The following ULK2 variants were observed in gnomAD, a reference collection of about 807,000 sequenced individuals.
The protein encoded by ULK2 is unc-51 like autophagy activating kinase 2, also known as serine/threonine-protein kinase ULK2.
Under a neutral mutation model 127.5 loss-of-function variants are expected in ULK2, and 76 were observed. The ratio of observed to expected loss-of-function variants is 0.60; its 90% CI spans 0.50 to 0.72. The LOEUF is 0.72. Among genes scored for constraint, ULK2 ranks in the 30% least tolerant of loss-of-function variants. ULK2 has a pLI of 0.00. For missense variants in ULK2, 1,144 were observed against 1,295.9 expected, an observed-to-expected ratio of 0.88 and a Z score of 1.80; for synonymous variants, 452 against 461.9, an observed-to-expected ratio of 0.98 and a Z score of 0.28.
chr17:19,813,792 A>G (rs565398241), intron 13 of ULK2, among the ~76,000 whole-genome samples: 9 of 152,230 alleles, frequency 5.9e-5, no homozygotes, highest in Non-Finnish European at 1.3e-4. Context: ...ATCAAAACAC[A>G]TTAAAGAAAC....
chr17:19,811,220 A>T (rs2087632725), intron 13 of ULK2: 1 of 152,208 alleles, frequency 6.6e-6, no homozygotes, highest in African/African-American at 2.4e-5. Context: ...ATTTGTCTAT[A>T]GGAGAATTGA....
chr17:19,856,991 A>AG (rs2042146087), intron 3 of ULK2, among the ~76,000 whole-genome samples: 1 of 149,480 alleles, frequency 6.7e-6, no homozygotes, highest in African/African-American at 2.5e-5. Flanking sequence ...AAAAAAAAAA[A>AG]AAAAAAAAAA....
intron 25 of ULK2, among the ~76,000 whole-genome samples, chr17:19,779,431 C>T (rs1234587524): frequency 6.8e-6 from 1 of 147,660 alleles, no homozygotes; most frequent in East Asian, 2.0e-4. Flanking sequence ...ACATGGGAGG[C>T]TAACGCAGCA....
intron 3 of ULK2, among the ~76,000 whole-genome samples, chr17:19,857,942 T>C (rs2042166832): frequency 6.6e-6 from 1 of 152,040 alleles, no homozygotes; most frequent in Admixed American, 6.6e-5. Context: ...GGAAACTTAC[T>C]TTATTTTCTC....
intron 25 of ULK2, among the ~76,000 whole-genome samples, chr17:19,778,731 A>G (rs942584715): frequency 1.3e-5 from 2 of 152,218 alleles, no homozygotes; most frequent in Admixed American, 1.3e-4. Context: ...CTGGGACTAC[A>G]GGTGCATGCC....
chr17:19,810,245 AAAAAAAAAAAAAC>A lies in ULK2; in HGVS notation c.1157+120_1157+132del, dbSNP rs1264670551. ...ACTCCATCTCAAAAAAAAAAAAAAAAAAAAAAAAAAAACCAGAAATAATGGACTGTAAAACAAA... is the reference window on the plus strand; with the variant it reads ...ACTCCATCTCAAAAAAAAAAAAAAAACAGAAATAATGGACTGTAAAACAAA... On this transcript the variant is annotated intron_variant, in intron 14 of 26. Transcript: ENST00000395544. 170 of 239,624 alleles carry A rather than the reference AAAAAAAAAAAAAC, an allele frequency of 7.1e-4. 1 individual carries two copies. The highest frequency in any genetic ancestry group is 3.1e-3 in the East Asian group (49 of 16,006). The allele number at this position is 239,624 out of a possible 1,614,324, so 14.8% of individuals were successfully genotyped here. A position where few individuals can be genotyped will look rare whatever the true frequency, so the allele number is the denominator to read the frequency against.
intron 10 of ULK2, among the ~76,000 whole-genome samples, chr17:19,837,934 A>G (rs1413016787): frequency 1.3e-5 from 2 of 152,158 alleles, no homozygotes; most frequent in Non-Finnish European, 1.5e-5. Flanking sequence ...TCTTCCACTC[A>G]AAACCCTCTA....
At position 19,867,931 on chromosome 17, in the gene ULK2, G is replaced by A. The variant is rs925442516; in HGVS notation, c.-514C>T. ...CCTCGCGCGCGCTACCCGCTCCCGC[G>A]CGACTGGCTGCCCTCCGCGACGTCC... is the stretch of plus-strand genomic sequence containing the variant. On this transcript the variant is annotated 5_prime_UTR_variant, in exon 1 of 27. Transcript: ENST00000395544. 4 of 151,598 alleles carry A rather than the reference G, an allele frequency of 2.6e-5. No homozygotes were observed. The highest frequency in any genetic ancestry group is 7.3e-5 in the African/African-American group (3 of 41,366). 9.4% of individuals were successfully genotyped at this position (151,598 alleles called of 1,614,324 possible). A position where few individuals can be genotyped will look rare whatever the true frequency, so the allele number is the denominator to read the frequency against.
At chr17:19,818,989 C>T (rs553666112) in intron 12 of ULK2, among the ~76,000 whole-genome samples, 3 of 151,808 alleles carry the variant, frequency 2.0e-5, no homozygotes, top group Middle Eastern at 3.4e-3. Flanking sequence ...TTAGTAGAGA[C>T]GGGGTTTCAC....
rs1208852931 is a variant in ULK2 at position 19,772,405 on chromosome 17, AGG to A, written c.*3942_*3943del. On this transcript the variant is annotated 3_prime_UTR_variant, in exon 27 of 27. Transcript: ENST00000395544. ...GGCTTTACTAAACATGAGACTTGGG[AGG>A]GACCCAAGAGCTTGCTTGGCTGCAG... is the stretch of plus-strand genomic sequence containing the variant. The A allele has an allele frequency of 6.6e-6, 1 of 152,188 alleles. No individual in the cohort carries two copies. The highest frequency in any genetic ancestry group is 1.9e-4 in the East Asian group (1 of 5,184). 9.4% of individuals were successfully genotyped at this position (152,188 alleles called of 1,614,324 possible). A position where few individuals can be genotyped will look rare whatever the true frequency, so the allele number is the denominator to read the frequency against.
chr17:19,779,886 T>C (rs1428295991), intron 25 of ULK2, among the ~76,000 whole-genome samples: 1 of 152,002 alleles, frequency 6.6e-6, no homozygotes, highest in Non-Finnish European at 1.5e-5. Flanking sequence ...ATAAAAAGAT[T>C]AGATCGGCTG....
In ULK2 at chr17:19,804,702, C is replaced by A; in HGVS notation, c.1286G>T (p.Gly429Val). Residue 429 changes from glycine (G) to valine (V), a missense_variant, in exon 15 of 27, where the codon GGT becomes GTT. Transcript: ENST00000395544. ...AAAGCTACTAACTTACCTTGGAGAA[C>A]CATGTACATTTGTGCCTGAGCTGGC... ...STASSGTNVH[G>V]SPRSAVVRRS... 1 of 1,601,264 alleles carries A rather than the reference C, an allele frequency of 6.2e-7. No homozygotes were observed. The highest frequency in any genetic ancestry group is 8.5e-7 in the Non-Finnish European group (1 of 1,173,702).
intron 17 of ULK2, 119 bp from the exon 18 acceptor site, chr17:19,797,801 A>G: frequency 9.8e-7 from 1 of 1,023,972 alleles, no homozygotes; most frequent in Non-Finnish European, 1.3e-6. Context: ...TTTTCATAAG[A>G]CATTCTAAAA....
intron 11 of ULK2, 117 bp downstream of exon 11, chr17:19,826,022 A>AAATAAATAAATAAATT (rs1423228124): frequency 2.0e-5 from 6 of 299,464 alleles, no homozygotes; most frequent in Non-Finnish European, 3.2e-5. Flanking sequence ...ATAAATAAAT[A>AAATAAATAAATAAATT]AATTCAATGA....
chr17:19,826,106 C>T, intron 11 of ULK2, 33 bp downstream of exon 11: 1 of 1,339,650 alleles, frequency 7.5e-7, no homozygotes, highest in Non-Finnish European at 9.9e-7. Flanking sequence ...TGCATTCATT[C>T]TTTAAGTGAA....
rs575742888 is a variant in ULK2, at chr17:19,840,788, C to T, written c.704+701G>A. Among the ~76,000 whole-genome samples, 31 of 151,400 alleles carry T rather than the reference C, an allele frequency of 2.0e-4. No individual in the cohort carries two copies. In the South Asian group the frequency reaches 5.9e-3, roughly 29 times the overall value. On this transcript the variant is annotated intron_variant, in intron 9 of 26. Transcript: ENST00000395544. ...CCTACAGTCCCAGCTACTAGGAAGG[C>T]TGAAGCATGAGAATCACTTGAACTC... is the stretch of plus-strand genomic sequence containing the variant.
At chr17:19,810,665 C>T (rs1177454824) in intron 13 of ULK2, among the ~76,000 whole-genome samples, 2 of 152,160 alleles carry the variant, frequency 1.3e-5, no homozygotes, top group African/African-American at 2.4e-5. Flanking sequence ...AATTTGAGGT[C>T]TTCTTCAAAA....
intron 20 of ULK2, among the ~76,000 whole-genome samples, chr17:19,789,250 C>T (rs1597717028): frequency 6.7e-6 from 1 of 149,532 alleles, no homozygotes; most frequent in African/African-American, 2.5e-5. Flanking sequence ...AAGAGAGACA[C>T]GCCATTAGTT....
At chr17:19,839,661 A>AG (rs1597795200) in intron 9 of ULK2, among the ~76,000 whole-genome samples, 1 of 116,252 alleles carries the variant, frequency 8.6e-6, no homozygotes, top group East Asian at 5.4e-4. Context: ...ACTCTGTCTC[A>AG]AAAAAAAAAA....
Sources: gnomAD v4.1 joint callset for allele counts (sites outside exome capture counted in the v4.1 genomes callset) on GRCh38, gnomAD v4.1.1 for gene constraint, MANE v1.5 for transcripts, NCBI Gene and HGNC (gene_info 2026-07-23, HGNC 2026-07-21) for gene names.